Variants in NTNG1 observed in about 807,000 individuals in gnomAD.
NTNG1 encodes the protein netrin-G1.
In NTNG1, 16 loss-of-function variants were observed where a neutral mutation model predicts 54.0. That is an observed-to-expected ratio of 0.30 (90% CI 0.20 to 0.45). The LOEUF is 0.45. Among genes scored for constraint, NTNG1 ranks in the 20% least tolerant of loss-of-function variants. NTNG1 has a pLI of 1.00. For synonymous variants in NTNG1, 255 were observed against 263.1 expected, an observed-to-expected ratio of 0.97 and a Z score of 0.30; for missense variants, 530 against 678.7, an observed-to-expected ratio of 0.78 and a Z score of 2.43.
rs141364036 is a variant in NTNG1 at position 107,339,773 on chromosome 1, C to T, written c.887+14851C>T. On this transcript the variant is annotated intron_variant, in intron 3 of 7. Transcript: ENST00000370068. Reference sequence around the variant, plus strand: ...ATAATATCTACCTACTTCTCTTTCACGAATGTAGAATATAATACAAATAAA... The same window carrying T: ...ATAATATCTACCTACTTCTCTTTCATGAATGTAGAATATAATACAAATAAA... 6.2e-3 allele frequency among the ~76,000 whole-genome samples: 944 copies of T among 152,090 alleles called. 9 individuals carry two copies. Among genetic ancestry groups the T allele is most frequent in the African/African-American group, 0.018 (768 of 41,530 alleles).
At chr1:107,303,834 A>G (rs1022790285) in intron 2 of NTNG1, among the ~76,000 whole-genome samples, 1 of 151,930 alleles carries the variant, frequency 6.6e-6, no homozygotes, top group Non-Finnish European at 1.5e-5. Flanking sequence ...CTACAGGCGC[A>G]CGCCACCACA....
intron 2 of NTNG1, among the ~76,000 whole-genome samples, chr1:107,300,810 C>T (rs1455526564): frequency 1.3e-5 from 2 of 152,092 alleles, no homozygotes; most frequent in Non-Finnish European, 2.9e-5. Flanking sequence ...CATTTTAAGA[C>T]TTAGTAACTA....
chr1:107,205,631 A>C (rs568754810), intron 2 of NTNG1, among the ~76,000 whole-genome samples: 1 of 152,146 alleles, frequency 6.6e-6, no homozygotes, highest in African/African-American at 2.4e-5. Context: ...TTTTTTTAAA[A>C]AAAACTATAT....
intron 3 of NTNG1, among the ~76,000 whole-genome samples, chr1:107,392,967 A>T (rs994060743): frequency 6.6e-6 from 1 of 152,204 alleles, no homozygotes; most frequent in East Asian, 1.9e-4. Flanking sequence ...GCTTTAGGAC[A>T]GCTGAGAATG....
chr1:107,150,628 T>A (rs1259991542), intron 2 of NTNG1, among the ~76,000 whole-genome samples: 27 of 152,194 alleles, frequency 1.8e-4, no homozygotes, highest in Admixed American at 1.7e-3. Context: ...TTCCCTCTCA[T>A]AAGCCCTGTG....
intron 7 of NTNG1, among the ~76,000 whole-genome samples, chr1:107,472,703 A>G (rs1203042351): frequency 1.3e-5 from 2 of 152,172 alleles, no homozygotes; most frequent in African/African-American, 2.4e-5. Flanking sequence ...ACCAGACCAT[A>G]AGGTCGGGGA....
intron 2 of NTNG1, among the ~76,000 whole-genome samples, chr1:107,270,111 G>C (rs1047977175): frequency 6.6e-6 from 1 of 152,198 alleles, no homozygotes; most frequent in Non-Finnish European, 1.5e-5. Flanking sequence ...AAAAATCCAA[G>C]TCACCTTAAA....
At chr1:107,469,334 C>A (rs1240436971) in intron 7 of NTNG1, among the ~76,000 whole-genome samples, 1 of 152,162 alleles carries the variant, frequency 6.6e-6, no homozygotes, top group Admixed American at 6.6e-5. Context: ...AGCTGCTCAG[C>A]AAGTTTTCCA....
intron 3 of NTNG1, among the ~76,000 whole-genome samples, chr1:107,342,122 G>A (rs1156403454): frequency 1.3e-5 from 2 of 151,980 alleles, no homozygotes; most frequent in Non-Finnish European, 2.9e-5. Context: ...ATTTTATATT[G>A]AGTATATCCT....
At chr1:107,172,741 A>G (rs1280518979) in intron 2 of NTNG1, among the ~76,000 whole-genome samples, 1 of 152,192 alleles carries the variant, frequency 6.6e-6, no homozygotes, top group Non-Finnish European at 1.5e-5. Context: ...CTTACATTAT[A>G]GACTCCTTGT....
At chr1:107,215,940 C>A (rs1659925597) in intron 2 of NTNG1, among the ~76,000 whole-genome samples, 1 of 151,754 alleles carries the variant, frequency 6.6e-6, no homozygotes, top group Non-Finnish European at 1.5e-5. Flanking sequence ...TGATTTGATT[C>A]TCAGCTTGGT....
chr1:107,266,613 A>G (rs1663752151), intron 2 of NTNG1, among the ~76,000 whole-genome samples: 1 of 148,146 alleles, frequency 6.8e-6, no homozygotes, highest in African/African-American at 2.6e-5. Flanking sequence ...CCTTAGCAAC[A>G]TTGTTTTTTT....
chr1:107,212,546 T>A (rs1234720052), intron 2 of NTNG1, among the ~76,000 whole-genome samples: 1 of 152,198 alleles, frequency 6.6e-6, no homozygotes, highest in Non-Finnish European at 1.5e-5. Context: ...GCCATTTTTC[T>A]CCTTGTTAAT....
intron 2 of NTNG1, among the ~76,000 whole-genome samples, chr1:107,156,466 A>C (rs955588166): frequency 1.3e-5 from 2 of 152,224 alleles, no homozygotes; most frequent in Non-Finnish European, 2.9e-5. Flanking sequence ...AAAGAATGAA[A>C]ATATCATCAA....
intron 7 of NTNG1, among the ~76,000 whole-genome samples, chr1:107,448,731 T>C (rs1676445364): frequency 1.3e-5 from 2 of 152,050 alleles, no homozygotes; most frequent in Non-Finnish European, 2.9e-5. Context: ...ACATTTTATA[T>C]AAGGGGCAGG....
intron 7 of NTNG1, among the ~76,000 whole-genome samples, chr1:107,445,952 A>T (rs1198089988): frequency 6.6e-6 from 1 of 152,132 alleles, no homozygotes; most frequent in Non-Finnish European, 1.5e-5. Flanking sequence ...TTCTTAGTTC[A>T]TAGGCCATTG....
In NTNG1 at chr1:107,414,055, C is replaced by T. The variant is rs187159019; in HGVS notation, c.1087+6347C>T. On this transcript the variant is annotated intron_variant, in intron 5 of 7. Transcript: ENST00000370068. ...GTGTGATAGAAGACAACTTAATATT[C>T]TAAAGCAACTCTACCTCTAAAGCTT... 1.8e-3 allele frequency among the ~76,000 whole-genome samples: 274 copies of T among 152,270 alleles called. 2 individuals are homozygous for T. The highest frequency in any genetic ancestry group is 6.3e-3 in the African/African-American group (262 of 41,576).
intron 7 of NTNG1, among the ~76,000 whole-genome samples, chr1:107,456,112 C>T (rs600348): frequency 0.38 from 58,330 of 151,938 alleles, 11,433 homozygotes; most frequent in South Asian, 0.49. Context: ...AAAACCATTA[C>T]ATGCCAAGAG....
At chr1:107,263,268 G>GCTTCCTTC (rs1368781917) in intron 2 of NTNG1, among the ~76,000 whole-genome samples, 31 of 139,078 alleles carry the variant, frequency 2.2e-4, no homozygotes, top group African/African-American at 7.3e-4. Flanking sequence ...TTCTAGGTTA[G>GCTTCCTTC]CTTGCTTCCT....
Sources: gnomAD v4.1 joint callset for allele counts (sites outside exome capture counted in the v4.1 genomes callset) on GRCh38, gnomAD v4.1.1 for gene constraint, MANE v1.5 for transcripts, NCBI Gene and HGNC (gene_info 2026-07-23, HGNC 2026-07-21) for gene names.